The following ASTN2 variants were observed in gnomAD, a reference collection of about 807,000 sequenced individuals.
ASTN2 encodes the protein astrotactin-2.
Under a neutral mutation model 139.8 loss-of-function variants are expected in ASTN2, and 54 were observed. The observed-to-expected ratio is 0.39, with a 90% CI of 0.31 to 0.48. The LOEUF is 0.48. ASTN2 is among the 20% of genes least tolerant of loss of function. The pLI, the probability that ASTN2 is intolerant of heterozygous loss-of-function variation, is 0.95. For missense variants in ASTN2, 1,565 were observed against 1,725.1 expected, an observed-to-expected ratio of 0.91 and a Z score of 1.64; for synonymous variants, 756 against 719.5, an observed-to-expected ratio of 1.05 and a Z score of -0.81.
At chr9:116,964,258 C>CGT (rs1564362648) in intron 10 of ASTN2, among the ~76,000 whole-genome samples, 5 of 59,258 alleles carry the variant, frequency 8.4e-5, no homozygotes, top group Non-Finnish European at 2.4e-4. Flanking sequence ...TGTGTGTGTG[C>CGT]GCGCGCGCGC....
At chr9:117,052,335 G>A (rs529127830) in intron 5 of ASTN2, among the ~76,000 whole-genome samples, 2 of 150,914 alleles carry the variant, frequency 1.3e-5, no homozygotes, top group South Asian at 2.1e-4. Flanking sequence ...AGCCTCTCAG[G>A]AGCCTGAGGC....
intron 1 of ASTN2, among the ~76,000 whole-genome samples, chr9:117,374,857 G>A (rs1290181423): frequency 6.6e-6 from 1 of 152,166 alleles, no homozygotes; most frequent in Admixed American, 6.5e-5. Context: ...AGGTTGACCA[G>A]AAGCCTGACT....
intron 22 of ASTN2, among the ~76,000 whole-genome samples, chr9:116,440,086 T>C (rs10491580): frequency 0.043 from 6,477 of 152,274 alleles, 399 homozygotes; most frequent in South Asian, 0.21. Context: ...GAATCATTCA[T>C]GGTTCCTGGC....
intron 11 of ASTN2, among the ~76,000 whole-genome samples, chr9:116,862,037 A>G (rs1313441915): frequency 2.0e-5 from 3 of 147,376 alleles, no homozygotes; most frequent in Non-Finnish European, 4.4e-5. Context: ...AATCCTGAGA[A>G]TTCTAATCAC....
At chr9:116,969,486 T>G (rs1169436236) in intron 10 of ASTN2, among the ~76,000 whole-genome samples, 1 of 152,192 alleles carries the variant, frequency 6.6e-6, no homozygotes, top group East Asian at 1.9e-4. Context: ...CTCATTACTC[T>G]GGCAACACTT....
chr9:116,588,462 G>T (rs1268135845), intron 19 of ASTN2, among the ~76,000 whole-genome samples: 3 of 152,152 alleles, frequency 2.0e-5, no homozygotes, highest in Non-Finnish European at 4.4e-5. Context: ...TCATGCCAGG[G>T]CTTCTGAAGC....
chr9:116,751,400 C>G (rs1289629326), intron 13 of ASTN2, among the ~76,000 whole-genome samples: 3 of 152,146 alleles, frequency 2.0e-5, no homozygotes, highest in Non-Finnish European at 4.4e-5. Flanking sequence ...GTTAGCGTTT[C>G]TTACTAAGTT....
At chr9:116,831,851 C>T (rs535754854) in intron 11 of ASTN2, among the ~76,000 whole-genome samples, 28 of 152,148 alleles carry the variant, frequency 1.8e-4, no homozygotes, top group African/African-American at 6.3e-4. Flanking sequence ...TATATCAATT[C>T]GAGGCATGTG....
At chr9:116,942,614 G>T (rs1835272408) in intron 10 of ASTN2, among the ~76,000 whole-genome samples, 1 of 152,176 alleles carries the variant, frequency 6.6e-6, no homozygotes, top group Non-Finnish European at 1.5e-5. Context: ...CTGCTCATGT[G>T]CATGTGTGCA....
intron 5 of ASTN2, among the ~76,000 whole-genome samples, chr9:117,060,344 G>A (rs7860929): frequency 0.02 from 1,152 of 58,568 alleles, 59 homozygotes; most frequent in African/African-American, 0.05. Flanking sequence ...GAAAGAAAGA[G>A]AGAAAGAAAG....
intron 19 of ASTN2, among the ~76,000 whole-genome samples, chr9:116,520,479 T>G (rs757180923): frequency 3.4e-4 from 52 of 151,866 alleles, no homozygotes; most frequent in Non-Finnish European, 6.0e-4. Flanking sequence ...CTCAGCAAAA[T>G]CGGCATAGAA....
chr9:116,575,010 T>C (rs1427372512), intron 19 of ASTN2, among the ~76,000 whole-genome samples: 1 of 152,208 alleles, frequency 6.6e-6, no homozygotes, highest in Non-Finnish European at 1.5e-5. Flanking sequence ...CTCTTGTCCT[T>C]GTGCATGATT....
intron 19 of ASTN2, among the ~76,000 whole-genome samples, chr9:116,565,068 T>A (rs1302210295): frequency 1.3e-5 from 2 of 152,042 alleles, no homozygotes; most frequent in African/African-American, 4.8e-5. Context: ...GACACAACAC[T>A]GCCTTACAAT....
rs115586599 is a variant in ASTN2 at position 116,837,487 on chromosome 9, C to T, written c.2041-16704G>A. Among the ~76,000 whole-genome samples the T allele has an allele frequency of 5.9e-5, 9 of 152,266 alleles. No individual in the cohort carries two copies. The South Asian group carries it at 8.3e-4, about 14-fold the overall frequency. ...ACAGGCTAGCCCTGCTGGGCTCCCC[C>T]GAGCTTCTTCCTCCATACTGTGAAC... On this transcript the variant is annotated intron_variant, in intron 11 of 22. Transcript: ENST00000313400.
chr9:116,948,793 T>G (rs1170043456), intron 10 of ASTN2, among the ~76,000 whole-genome samples: 22 of 117,490 alleles, frequency 1.9e-4, no homozygotes, highest in Non-Finnish European at 3.1e-4. Context: ...GTGTTTTTTT[T>G]TTTTTTTTTT....
intron 10 of ASTN2, among the ~76,000 whole-genome samples, chr9:116,939,601 G>C (rs1835170896): frequency 6.6e-6 from 1 of 152,054 alleles, no homozygotes; most frequent in Non-Finnish European, 1.5e-5. Context: ...AATCATTTGT[G>C]TCATTCTTTT....
At chr9:116,909,568 G>A (rs1330962103) in intron 10 of ASTN2, among the ~76,000 whole-genome samples, 1 of 152,178 alleles carries the variant, frequency 6.6e-6, no homozygotes, top group Non-Finnish European at 1.5e-5. Context: ...AGGCATTTAC[G>A]ATGAGATTGG....
rs184188614 is a variant in ASTN2 at position 117,228,061 on chromosome 9, C to A, written c.631-13319G>T. Among the ~76,000 whole-genome samples, 195 of 152,214 alleles carry A rather than the reference C, an allele frequency of 1.3e-3. 3 individuals are homozygous for A. The highest frequency in any genetic ancestry group is 2.5e-4 in the Non-Finnish European group (17 of 68,020). Reference sequence around the variant, plus strand: ...GATTAGATGTACATTCCTTGGCTAGCCATGTTACCTTTTTCAGCCTCAGTT... The same window carrying A: ...GATTAGATGTACATTCCTTGGCTAGACATGTTACCTTTTTCAGCCTCAGTT... On this transcript the variant is annotated intron_variant, in intron 2 of 22. Transcript: ENST00000313400.
intron 10 of ASTN2, among the ~76,000 whole-genome samples, chr9:116,894,069 G>A (rs548201783): frequency 2.1e-4 from 32 of 152,224 alleles, no homozygotes; most frequent in African/African-American, 7.7e-4. Context: ...TCCATTCTAG[G>A]ACTGACTGAG....
Sources: allele counts gnomAD v4.1 joint callset (sites outside exome capture counted in the v4.1 genomes callset), GRCh38; gene constraint gnomAD v4.1.1; transcripts MANE v1.5; gene names NCBI Gene and HGNC (gene_info 2026-07-23, HGNC 2026-07-21).